The following SPAG16 variants were observed in gnomAD, a reference collection of about 807,000 sequenced individuals.
SPAG16 encodes sperm associated antigen 16, also known as sperm-associated antigen 16 protein.
SPAG16 carries 86 observed loss-of-function variants against 80.4 expected under a neutral mutation model. The ratio of observed to expected loss-of-function variants is 1.07; its 90% CI spans 0.90 to 1.28. The LOEUF (loss-of-function observed/expected upper bound fraction) is 1.28, where lower values mean the gene tolerates loss of function less well. Ranked by LOEUF, SPAG16 falls within the 50% of genes most tolerant of loss-of-function variation. The pLI is 0.00. For synonymous variants in SPAG16, 294 were observed against 265.9 expected, an observed-to-expected ratio of 1.11 and a Z score of -1.03; for missense variants, 870 against 765.3, an observed-to-expected ratio of 1.14 and a Z score of -1.61.
At chr2:213,586,072 C>A (rs1010985230) in intron 10 of SPAG16, among the ~76,000 whole-genome samples, 1 of 152,148 alleles carries the variant, frequency 6.6e-6, no homozygotes, top group African/African-American at 2.4e-5. Context: ...AGAAGTAGTA[C>A]ATTCAACTTA....
At chr2:213,931,079 C>T (rs544913346) in intron 12 of SPAG16, among the ~76,000 whole-genome samples, 3 of 123,506 alleles carry the variant, frequency 2.4e-5, no homozygotes, top group South Asian at 8.1e-4. Context: ...TTGTTATCTC[C>T]ATGATATTTT....
chr2:214,292,006 A>G lies in SPAG16; in HGVS notation c.1721-118134A>G, dbSNP rs79331115. 4.7e-3 allele frequency among the ~76,000 whole-genome samples: 710 copies of G among 152,298 alleles called. 4 individuals carry two copies. The highest frequency in any genetic ancestry group is 0.016 in the African/African-American group (675 of 41,550). On this transcript the variant is annotated intron_variant, in intron 15 of 15. Transcript: ENST00000331683. ...CATTTCCCCTTTATTGATGAAGAAT[A>G]ATTTTGCTGTGCATGATATCCTTGA...
At position 213,527,963 on chromosome 2, in the gene SPAG16, G is replaced by GA. The variant is rs756513631; in HGVS notation, c.1070+37880dup. Among the ~76,000 whole-genome samples the GA allele has an allele frequency of 5.9e-5, 9 of 152,070 alleles. No individual in the cohort carries two copies. The East Asian group carries it at 7.7e-4, about 13-fold the overall frequency. Reference sequence around the variant, plus strand: ...AGTTATAGATATGGATGAGAGGCTTGAAAAAAATCAATAAAAATATAAAAA... The same window carrying GA: ...AGTTATAGATATGGATGAGAGGCTTGAAAAAAAATCAATAAAAATATAAAAA... On this transcript the variant is annotated intron_variant, in intron 10 of 15. Coordinates refer to ENST00000331683, the MANE Select transcript of SPAG16 (RefSeq NM_024532.5).
Position 214,230,408 on chromosome 2 carries a change from G to A in SPAG16, c.1720+81142G>A, listed in dbSNP as rs532683870. ...TAATGTCAATGTTAGCTGCAGCTCT[G>A]GCTGTGCACAAATTCTTTTTGCAAC... On this transcript the variant is annotated intron_variant, in intron 15 of 15. Coordinates refer to ENST00000331683, the MANE Select transcript of SPAG16 (RefSeq NM_024532.5). Among the ~76,000 whole-genome samples the A allele has an allele frequency of 2.9e-4, 44 of 151,968 alleles. No homozygotes were observed. The South Asian group carries it at 3.9e-3, about 14-fold the overall frequency.
intron 15 of SPAG16, among the ~76,000 whole-genome samples, chr2:214,288,772 T>TTTATTTA (rs1693573693): frequency 6.6e-6 from 1 of 150,530 alleles, no homozygotes; most frequent in Admixed American, 6.6e-5. Context: ...TATTTATTTA[T>TTTATTTA]TTATTTATTT....
intron 14 of SPAG16, among the ~76,000 whole-genome samples, chr2:214,113,815 C>T (rs1462610929): frequency 6.6e-6 from 1 of 152,186 alleles, no homozygotes; most frequent in Non-Finnish European, 1.5e-5. Context: ...CTTCTGAAGC[C>T]TACTTCTGCC....
At chr2:214,053,404 G>A (rs2049766511) in intron 13 of SPAG16, among the ~76,000 whole-genome samples, 1 of 152,076 alleles carries the variant, frequency 6.6e-6, no homozygotes, top group South Asian at 2.1e-4. Flanking sequence ...GATGAGAATG[G>A]GTATGACTGT....
intron 8 of SPAG16, among the ~76,000 whole-genome samples, chr2:213,366,901 T>G (rs1242314853): frequency 6.6e-6 from 1 of 152,188 alleles, no homozygotes; most frequent in Non-Finnish European, 1.5e-5. Flanking sequence ...ACTCATCATT[T>G]ACATTAGATA....
intron 5 of SPAG16, among the ~76,000 whole-genome samples, chr2:213,339,360 G>A (rs13400851): frequency 3.9e-5 from 6 of 152,260 alleles, no homozygotes; most frequent in Middle Eastern, 3.4e-3. Flanking sequence ...AAATGTGACA[G>A]TGTCAATGCT....
intron 10 of SPAG16, among the ~76,000 whole-genome samples, chr2:213,741,420 A>G (rs1370206619): frequency 2.6e-5 from 4 of 152,178 alleles, no homozygotes; most frequent in Admixed American, 6.5e-5. Context: ...TTCAAAAACC[A>G]GAAGCAAATA....
At chr2:213,713,135 C>T (rs756568449) in intron 10 of SPAG16, among the ~76,000 whole-genome samples, 9 of 152,078 alleles carry the variant, frequency 5.9e-5, no homozygotes, top group Non-Finnish European at 1.3e-4. Flanking sequence ...ATGGGGGAAC[C>T]GCCCCCATGA....
intron 15 of SPAG16, among the ~76,000 whole-genome samples, chr2:214,259,300 C>T (rs1690945029): frequency 6.6e-6 from 1 of 151,106 alleles, no homozygotes; most frequent in African/African-American, 2.4e-5. Flanking sequence ...TTGGCATTTA[C>T]CTTGTGCATT....
rs1211429276 is a variant in SPAG16 at position 213,859,204 on chromosome 2, AAAAAAAAAAAAAC to A, written c.1071-3280_1071-3268del. On this transcript the variant is annotated intron_variant, in intron 10 of 15. Transcript: ENST00000331683. ...AAAAAAAAAAAAAAAAAAAAAAAAA[AAAAAAAAAAAAAC>A]TCAATGTCCTCTGACAACTTGATGT... Among the ~76,000 whole-genome samples, 1,036 of 133,248 alleles carry A rather than the reference AAAAAAAAAAAAAC, an allele frequency of 7.8e-3. 76 individuals carry two copies. Among genetic ancestry groups the A allele is most frequent in the African/African-American group, 0.029 (957 of 32,844 alleles). 87.4% of individuals were successfully genotyped at this position (133,248 alleles called of 152,430 possible). A position where few individuals can be genotyped will look rare whatever the true frequency, so the allele number is the denominator to read the frequency against.
At chr2:213,406,936 T>TAAAA (rs60707204) in intron 9 of SPAG16, among the ~76,000 whole-genome samples, 1 of 122,466 alleles carries the variant, frequency 8.2e-6, no homozygotes, top group Non-Finnish European at 1.7e-5. Context: ...GACGCGGATT[T>TAAAA]AAAAAAAAAA....
intron 9 of SPAG16, among the ~76,000 whole-genome samples, chr2:213,444,402 G>A (rs1171564928): frequency 1.3e-5 from 2 of 152,092 alleles, no homozygotes; most frequent in Non-Finnish European, 2.9e-5. Context: ...TGTCCTAGAG[G>A]GAATTGACCT....
intron 12 of SPAG16, among the ~76,000 whole-genome samples, chr2:213,945,986 T>C (rs961045736): frequency 6.6e-6 from 1 of 152,238 alleles, no homozygotes; most frequent in African/African-American, 2.4e-5. Context: ...CATTGTTATA[T>C]TTTTACCATA....
chr2:213,961,554 A>G (rs1575659726), intron 12 of SPAG16, among the ~76,000 whole-genome samples: 1 of 146,082 alleles, frequency 6.8e-6, no homozygotes, highest in Non-Finnish European at 1.5e-5. Context: ...CCTGCCTTTT[A>G]TCAGATTAAG....
At chr2:213,674,847 G>A (rs1388905899) in intron 10 of SPAG16, among the ~76,000 whole-genome samples, 4 of 149,794 alleles carry the variant, frequency 2.7e-5, no homozygotes, top group South Asian at 2.1e-4. Flanking sequence ...ATAAACATAC[G>A]TGTGCATGTG....
chr2:214,258,471 G>GTGTGTGTGTGTATA (rs1553539128), intron 15 of SPAG16, among the ~76,000 whole-genome samples: 1 of 141,426 alleles, frequency 7.1e-6, no homozygotes, highest in African/African-American at 2.6e-5. Context: ...ATGTGTGTGT[G>GTGTGTGTGTGTATA]TATATATATA....
Sources: allele counts gnomAD v4.1 joint callset (sites outside exome capture counted in the v4.1 genomes callset), GRCh38; gene constraint gnomAD v4.1.1; transcripts MANE v1.5; gene names NCBI Gene and HGNC (gene_info 2026-07-23, HGNC 2026-07-21).